The following TGFBR3 variants were observed in gnomAD, a reference collection of about 807,000 sequenced individuals.
TGFBR3 encodes the protein transforming growth factor beta receptor type 3.
Under a neutral mutation model 87.9 loss-of-function variants are expected in TGFBR3, and 46 were observed. That is an observed-to-expected ratio of 0.52 (90% CI 0.41 to 0.67). TGFBR3 has a LOEUF of 0.67. Ranked by LOEUF, TGFBR3 falls within the 30% of genes least tolerant of loss-of-function variation. TGFBR3 has a pLI of 0.00. For synonymous variants in TGFBR3, 381 were observed against 391.6 expected, an observed-to-expected ratio of 0.97 and a Z score of 0.32; for missense variants, 866 against 1,041.9, an observed-to-expected ratio of 0.83 and a Z score of 2.32.
At chr1:91,813,384 A>T (rs1429669840) in intron 2 of TGFBR3, among the ~76,000 whole-genome samples, 1 of 152,236 alleles carries the variant, frequency 6.6e-6, no homozygotes, top group Non-Finnish European at 1.5e-5. Flanking sequence ...AGAAAAAAAC[A>T]AATGTATAAC....
At chr1:91,810,584 G>C (rs537855374) in intron 2 of TGFBR3, among the ~76,000 whole-genome samples, 1 of 152,158 alleles carries the variant, frequency 6.6e-6, no homozygotes, top group Non-Finnish European at 1.5e-5. Context: ...CATGCGGCAC[G>C]TGTTCATAAA....
At chr1:91,780,551 C>CTTTTTTTTTTTTTT (rs60294904) in intron 3 of TGFBR3, among the ~76,000 whole-genome samples, 1 of 77,166 alleles carries the variant, frequency 1.3e-5, no homozygotes, top group African/African-American at 5.5e-5. Context: ...GGGTCTAAGG[C>CTTTTTTTTTTTTTT]TTTTTTTTTT....
intron 12 of TGFBR3, among the ~76,000 whole-genome samples, 158 bp from the exon 13 acceptor site, chr1:91,712,700 C>G (rs1486120205): frequency 6.6e-6 from 1 of 152,154 alleles, no homozygotes; most frequent in Admixed American, 6.5e-5. Flanking sequence ...GTAACACACA[C>G]ACATTGAAAG....
chr1:91,842,882 C>A (rs1677341313), intron 2 of TGFBR3, among the ~76,000 whole-genome samples: 1 of 152,144 alleles, frequency 6.6e-6, no homozygotes, highest in Admixed American at 6.5e-5. Flanking sequence ...GGACTCAAAT[C>A]TCCAAAACAA....
At chr1:91,729,716 G>A (rs373304756) in intron 6 of TGFBR3, 89 bp downstream of exon 6, 24 of 1,483,762 alleles carry the variant, frequency 1.6e-5, no homozygotes, top group East Asian at 6.8e-5. Context: ...AGGGGAGGGT[G>A]TAGGACGGGC....
chr1:91,811,465 CAAG>C (rs1159722306), intron 2 of TGFBR3, among the ~76,000 whole-genome samples: 1 of 152,078 alleles, frequency 6.6e-6, no homozygotes, highest in Non-Finnish European at 1.5e-5. Context: ...GGTATGAAAG[CAAG>C]AAGCAAACTG....
chr1:91,853,041 C>G (rs578134664), intron 2 of TGFBR3, among the ~76,000 whole-genome samples: 22 of 151,570 alleles, frequency 1.5e-4, no homozygotes, highest in Middle Eastern at 3.2e-3. Flanking sequence ...CACCCGTAGT[C>G]CCAGCTACTT....
At chr1:91,792,010 C>A (rs543396155) in intron 3 of TGFBR3, among the ~76,000 whole-genome samples, 136 of 152,262 alleles carry the variant, frequency 8.9e-4, no homozygotes, top group African/African-American at 3.0e-3. Flanking sequence ...GTCTTTCCTG[C>A]CCTCAAAAAG....
chr1:91,777,007 A>G (rs1371816188), intron 3 of TGFBR3, among the ~76,000 whole-genome samples: 1 of 152,136 alleles, frequency 6.6e-6, no homozygotes, highest in Non-Finnish European at 1.5e-5. Context: ...CCAACACCAC[A>G]TCTACTCTGA....
At chr1:91,818,313 T>C (rs1008143161) in intron 2 of TGFBR3, among the ~76,000 whole-genome samples, 2 of 86,182 alleles carry the variant, frequency 2.3e-5, no homozygotes, top group African/African-American at 9.8e-5. Flanking sequence ...TTTTTTTTTT[T>C]TTTTTTTTAG....
At chr1:91,884,212 C>T (rs560891989) in intron 1 of TGFBR3, among the ~76,000 whole-genome samples, 1 of 151,756 alleles carries the variant, frequency 6.6e-6, no homozygotes, top group East Asian at 1.9e-4. Context: ...CCCAGCTACT[C>T]TGGAGGCTGA....
At chr1:91,848,793 C>T (rs908273723) in intron 2 of TGFBR3, among the ~76,000 whole-genome samples, 1 of 152,104 alleles carries the variant, frequency 6.6e-6, no homozygotes, top group Non-Finnish European at 1.5e-5. Flanking sequence ...AAGAACAAGA[C>T]TTGGAAATCA....
At chr1:91,868,985 T>G (rs1157813871) in intron 1 of TGFBR3, among the ~76,000 whole-genome samples, 1 of 152,126 alleles carries the variant, frequency 6.6e-6, no homozygotes, top group Non-Finnish European at 1.5e-5. Flanking sequence ...TTCTGCACAC[T>G]CCAGCCACAC....
chr1:91,862,543 G>C (rs2799538), intron 1 of TGFBR3, among the ~76,000 whole-genome samples: 128,828 of 152,268 alleles, frequency 0.85, 55,140 homozygotes, highest in Non-Finnish European at 0.92. Context: ...TTCTTTCTAA[G>C]CTTTTCCTAT....
At chr1:91,695,958 T>A (rs2253316) in intron 15 of TGFBR3, among the ~76,000 whole-genome samples, 179 bp from the exon 16 acceptor site, 21,336 of 152,146 alleles carry the variant, frequency 0.14, 1,621 homozygotes, top group South Asian at 0.26. Context: ...TTTTCAAAGG[T>A]TAAATGAAAT....
chr1:91,685,859 T>G (rs1293429209), intron 16 of TGFBR3, among the ~76,000 whole-genome samples: 1 of 152,186 alleles, frequency 6.6e-6, no homozygotes, highest in East Asian at 1.9e-4. Context: ...CAACTCTAGA[T>G]ATACTTTAAG....
chr1:91,904,435 C>T (rs11165758), intron 1 of TGFBR3, among the ~76,000 whole-genome samples: 65,983 of 150,004 alleles, frequency 0.44, 15,005 homozygotes, highest in Non-Finnish European at 0.52. Context: ...CTTGCTCTGT[C>T]GCCCAGACTG....
chr1:91,765,814 A>T (rs1557699359), intron 3 of TGFBR3, among the ~76,000 whole-genome samples: 1 of 152,206 alleles, frequency 6.6e-6, no homozygotes, highest in Admixed American at 6.5e-5. Context: ...GTAGGCAATT[A>T]AGTGTGTTAG....
upstream of TGFBR3, chr1:91,886,224 A>G (rs1035932925): frequency 2.4e-5 from 11 of 448,992 alleles, no homozygotes; most frequent in African/African-American, 2.2e-4. Context: ...AGGACGCCAC[A>G]GCAATCAGCG....
Sources: gnomAD v4.1 joint callset for allele counts (sites outside exome capture counted in the v4.1 genomes callset) on GRCh38, gnomAD v4.1.1 for gene constraint, MANE v1.5 for transcripts, NCBI Gene and HGNC (gene_info 2026-07-23, HGNC 2026-07-21) for gene names.